Variants in MBD5 observed in about 807,000 individuals in gnomAD.
MBD5 encodes methyl-CpG-binding domain protein 5.
MBD5 carries 13 observed loss-of-function variants against 117.3 expected under a neutral mutation model. That is an observed-to-expected ratio of 0.11 (90% CI 0.07 to 0.18). The LOEUF is 0.18. Ranked by LOEUF, MBD5 falls within the 10% of genes least tolerant of loss-of-function variation. MBD5 has a pLI of 1.00. For missense variants in MBD5, 1,879 were observed against 2,093.8 expected (o/e 0.90, Z 2.00); for synonymous variants, 727 against 766.4 (o/e 0.95, Z 0.85).
At chr2:148,397,644 A>ATTTAT (rs1264238816) in intron 4 of MBD5, among the ~76,000 whole-genome samples, 2 of 151,238 alleles carry the variant, frequency 1.3e-5, no homozygotes, top group African/African-American at 4.8e-5. Flanking sequence ...CTTATATTTT[A>ATTTAT]TTTATTTTAT....
At position 148,294,502 on chromosome 2, in the gene MBD5, T is replaced by TTTTTTTTTTTTTG. The variant is rs1559009495; in HGVS notation, c.-679-47700_-679-47699insGTTTTTTTTTTTT. The stretch of plus-strand genomic sequence containing the variant: ...GCCTCCCAAAGTGCTGGGATTACAG[T>TTTTTTTTTTTTTG]TTTTTTTTTTTTTTTTTTTGAGATA... On this transcript the variant is annotated intron_variant, in intron 3 of 13. Transcript: ENST00000642680. 2.2e-3 allele frequency among the ~76,000 whole-genome samples: 30 copies of TTTTTTTTTTTTTG among 13,506 alleles called. 1 individual carries two copies. The highest frequency in any genetic ancestry group is 0.014 in the East Asian group (3 of 216). The allele number at this position is 13,506 out of a possible 152,430, so 8.9% of individuals were successfully genotyped here.
intron 11 of MBD5, among the ~76,000 whole-genome samples, chr2:148,498,793 A>G (rs1336894778): frequency 6.6e-6 from 1 of 152,200 alleles, no homozygotes; most frequent in African/African-American, 2.4e-5. Flanking sequence ...TAAATTATCA[A>G]ATGTGTAATA....
At chr2:148,283,162 G>A (rs1285807197) in intron 3 of MBD5, among the ~76,000 whole-genome samples, 1 of 152,026 alleles carries the variant, frequency 6.6e-6, no homozygotes, top group Non-Finnish European at 1.5e-5. Flanking sequence ...GGTATTCTCA[G>A]AATGCAATGT....
chr2:148,376,834 CATAT>C (rs1361747369), intron 4 of MBD5, among the ~76,000 whole-genome samples: 1 of 73,430 alleles, frequency 1.4e-5, no homozygotes, highest in Non-Finnish European at 2.6e-5. Context: ...ATATATATAA[CATAT>C]ATATAATTAT....
At chr2:148,375,987 T>C (rs1703975406) in intron 4 of MBD5, among the ~76,000 whole-genome samples, 1 of 151,652 alleles carries the variant, frequency 6.6e-6, no homozygotes, top group South Asian at 2.1e-4. Flanking sequence ...TGAATAATTC[T>C]TTGTTATTGG....
intron 4 of MBD5, among the ~76,000 whole-genome samples, chr2:148,364,907 C>A (rs1703651830): frequency 1.3e-5 from 2 of 152,048 alleles, no homozygotes; most frequent in Non-Finnish European, 2.9e-5. Flanking sequence ...ACTTTCACAC[C>A]CAAATGTCAA....
At position 148,483,419 on chromosome 2, in the gene MBD5, A is replaced by G. The variant is rs377062993; in HGVS notation, c.2828A>G (p.Gln943Arg). 35 of 1,613,876 alleles carry G rather than the reference A, an allele frequency of 2.2e-5. No individual in the cohort carries two copies. The highest frequency in any genetic ancestry group is 2.9e-5 in the Non-Finnish European group (34 of 1,179,864). Reference sequence around the variant, plus strand: ...AACCAGAATCTATTAAATATCCTCCAGCCTTCAGCAGGAGAAGGCAAGTCT... The same window carrying G: ...AACCAGAATCTATTAAATATCCTCCGGCCTTCAGCAGGAGAAGGCAAGTCT... ...LLNQNLLNIL[Q>R]PSAGEGKSEI... Residue 943 changes from glutamine (Q) to arginine (R), a missense_variant, in exon 9 of 14, where the codon CAG (glutamine) becomes CGG (arginine). By Grantham distance (43) the Gln-to-Arg change is conservative. Transcript: ENST00000642680.
At chr2:148,381,417 A>G (rs12467437) in intron 4 of MBD5, among the ~76,000 whole-genome samples, 76,148 of 151,826 alleles carry the variant, frequency 0.5, 19,394 homozygotes, top group East Asian at 0.75. Flanking sequence ...AAAAAAGAAT[A>G]AAAAGAAATG....
rs34980624 is a variant in MBD5, at chr2:148,239,686, T to TACACACACACACACACACACACACAC, written c.-680+6299_-680+6324dup. 5.5e-3 allele frequency among the ~76,000 whole-genome samples: 772 copies of TACACACACACACACACACACACACAC among 141,526 alleles called. 9 individuals are homozygous for TACACACACACACACACACACACACAC. The highest frequency in any genetic ancestry group is 0.014 in the African/African-American group (535 of 37,828). 92.8% of individuals were successfully genotyped at this position (141,526 alleles called of 152,430 possible). A position where few individuals can be genotyped will look rare whatever the true frequency, so the allele number is the denominator to read the frequency against. On this transcript the variant is annotated intron_variant, in intron 3 of 13. Coordinates refer to ENST00000642680, the MANE Select transcript of MBD5 (RefSeq NM_001378120.1). ...AATGAACAAGTTTATTTTATTTACTTACACACACACACACACACACACACA... is the reference window on the plus strand; with the variant it reads ...AATGAACAAGTTTATTTTATTTACTTACACACACACACACACACACACACACACACACACACACACACACACACACA...
intron 1 of MBD5, among the ~76,000 whole-genome samples, chr2:148,061,431 T>C (rs1234433): frequency 0.55 from 83,881 of 151,522 alleles, 23,355 homozygotes; most frequent in Middle Eastern, 0.69. Context: ...ACTCTTTCCC[T>C]CTACATAATT....
chr2:148,140,343 A>G (rs1399247691), intron 1 of MBD5, among the ~76,000 whole-genome samples: 1 of 152,216 alleles, frequency 6.6e-6, no homozygotes, highest in African/African-American at 2.4e-5. Context: ...TTGTTTAACT[A>G]TTCAAATTTT....
intron 3 of MBD5, among the ~76,000 whole-genome samples, chr2:148,330,954 C>G (rs1702629398): frequency 6.6e-6 from 1 of 152,046 alleles, no homozygotes; most frequent in African/African-American, 2.4e-5. Flanking sequence ...ATATCTTATC[C>G]AAGATTATAT....
At chr2:148,489,277 C>T (rs1681436898) in intron 10 of MBD5, 109 bp from the exon 11 acceptor site, 1 of 1,324,544 alleles carries the variant, frequency 7.5e-7, no homozygotes, top group African/African-American at 1.5e-5. Flanking sequence ...TATTTCCTTC[C>T]TTGTTAATAT....
chr2:148,077,084 A>T (rs1695527411), intron 1 of MBD5, among the ~76,000 whole-genome samples: 1 of 152,204 alleles, frequency 6.6e-6, no homozygotes, highest in African/African-American at 2.4e-5. Context: ...TCCTGCACAG[A>T]AAAAAGTTTG....
At chr2:148,042,759 C>T (rs1446784104) in intron 1 of MBD5, among the ~76,000 whole-genome samples, 1 of 152,076 alleles carries the variant, frequency 6.6e-6, no homozygotes, top group Non-Finnish European at 1.5e-5. Flanking sequence ...TGTATAAAGA[C>T]TGCAGAGTTA....
chr2:148,421,345 C>T (rs1224695416), intron 4 of MBD5, among the ~76,000 whole-genome samples: 3 of 152,122 alleles, frequency 2.0e-5, no homozygotes, highest in Non-Finnish European at 1.5e-5. Flanking sequence ...CCTCCCCTAG[C>T]CAAGGGAAGC....
chr2:148,023,011 T>G (rs1693803143), intron 1 of MBD5, among the ~76,000 whole-genome samples: 1 of 152,116 alleles, frequency 6.6e-6, no homozygotes, highest in Non-Finnish European at 1.5e-5. Flanking sequence ...ATACATTTCT[T>G]TATTCTTTCC....
In MBD5 at chr2:148,021,618, C is replaced by T. The variant is rs1274918686; in HGVS notation, c.-991C>T. 10 of 465,848 alleles carry T rather than the reference C, an allele frequency of 2.1e-5. No homozygotes were observed. Among genetic ancestry groups the T allele is most frequent in the Admixed American group, 1.7e-4 (7 of 41,776 alleles). The allele number at this position is 465,848 out of a possible 1,614,324, so 28.9% of individuals were successfully genotyped here. A position where few individuals can be genotyped will look rare whatever the true frequency, so the allele number is the denominator to read the frequency against. ...CGCCTCCTCCTCCTCCACTCCCCCCCTTTATTACCCTTTGTGTCATCCTCC... is the reference window on the plus strand; with the variant it reads ...CGCCTCCTCCTCCTCCACTCCCCCCTTTTATTACCCTTTGTGTCATCCTCC... On this transcript the variant is annotated 5_prime_UTR_variant, in exon 1 of 14. Coordinates refer to ENST00000642680, the MANE Select transcript of MBD5 (RefSeq NM_001378120.1).
At chr2:148,407,750 C>G (rs1424849348) in intron 4 of MBD5, among the ~76,000 whole-genome samples, 2 of 152,086 alleles carry the variant, frequency 1.3e-5, no homozygotes, top group East Asian at 3.8e-4. Context: ...TTGAGGGTTT[C>G]AGGGCTATTT....
Sources: allele counts gnomAD v4.1 joint callset (sites outside exome capture counted in the v4.1 genomes callset), GRCh38; gene constraint gnomAD v4.1.1; transcripts MANE v1.5; gene names NCBI Gene and HGNC (gene_info 2026-07-23, HGNC 2026-07-21).